FKBP1B: variants seen among roughly 807,000 people sequenced by gnomAD.
The protein encoded by FKBP1B is FKBP prolyl isomerase 1B.
A neutral mutation model predicts 13.5 loss-of-function variants in FKBP1B; 4 were observed. That is an observed-to-expected ratio of 0.30 (90% CI 0.15 to 0.68). The LOEUF is 0.68. Ranked by LOEUF, FKBP1B falls within the 30% of genes least tolerant of loss-of-function variation. The pLI is 0.76. For synonymous variants in FKBP1B, 54 were observed against 53.6 expected, an observed-to-expected ratio of 1.01 and a Z score of -0.03; for missense variants, 93 against 136.2, an observed-to-expected ratio of 0.68 and a Z score of 1.58.
At chr2:24,055,214 CATT>C (rs966569891) in intron 2 of FKBP1B, among the ~76,000 whole-genome samples, 17 of 113,282 alleles carry the variant, frequency 1.5e-4, no homozygotes, top group South Asian at 5.6e-4. Flanking sequence ...TTTTTTTTGT[CATT>C]GTTGTTGTTG....
chr2:24,043,083 G>A, the FKBP1B span, among the ~76,000 whole-genome samples: 78 of 149,696 alleles, frequency 5.2e-4, no homozygotes, highest in African/African-American at 1.9e-3. Flanking sequence ...CCTTTAATCC[G>A]AGCACTTTGG....
intron 2 of FKBP1B, chr2:24,054,223 C>T: frequency 1.6e-6 from 1 of 631,392 alleles, no homozygotes; most frequent in South Asian, 1.8e-5. Flanking sequence ...CCCCTTCCTT[C>T]TGTTGCAGGT....
the FKBP1B span, among the ~76,000 whole-genome samples, chr2:24,039,667 G>A: frequency 6.6e-6 from 1 of 152,154 alleles, no homozygotes; most frequent in Non-Finnish European, 1.5e-5. Context: ...AGACTACTGA[G>A]CTATCAGGCA....
chr2:24,054,310 C>G, intron 2 of FKBP1B: 1 of 419,350 alleles, frequency 2.4e-6, no homozygotes. Flanking sequence ...GACTTTCTCT[C>G]CATCCTGCAG....
chr2:24,044,817 TAAAAAAAAAAAA>T (rs747340836), upstream of FKBP1B, among the ~76,000 whole-genome samples: 248 of 103,918 alleles, frequency 2.4e-3, no homozygotes, highest in African/African-American at 8.6e-3. Flanking sequence ...GAATTATCTT[TAAAAAAAAAAAA>T]AAAAAAAAAA....
Position 24,049,859 on chromosome 2 carries a change from G to T in FKBP1B, c.10G>T (p.Glu4Ter). ...GGCCTGTGGGACCGCTATGGGCGTG[G>T]AGATCGAGACCATCTCCCCCGGAGA... MGV[E>*]IETISPGDGR... Residue 4 changes from glutamate to a stop codon, truncating the protein, a stop_gained, in exon 1 of 4, where the codon GAG (glutamate) becomes TAG (stop). Coordinates refer to ENST00000380986, the MANE Select transcript of FKBP1B (RefSeq NM_004116.5). LOFTEE classifies it high-confidence loss of function. 1 of 1,428,214 alleles carries T rather than the reference G, an allele frequency of 7.0e-7. No homozygotes were observed. Among genetic ancestry groups the T allele is most frequent in the Admixed American group, 2.5e-5 (1 of 39,286 alleles). 88.5% of individuals were successfully genotyped at this position (1,428,214 alleles called of 1,614,324 possible).
chr2:24,038,438 C>T, the FKBP1B span: 35 of 1,613,996 alleles, frequency 2.2e-5, no homozygotes, highest in East Asian at 4.5e-5. Context: ...ACTGCCACTA[C>T]GTGGGCTTTA....
chr2:24,060,994 C>T, intron 3 of FKBP1B, 68 bp downstream of exon 3: 2 of 1,138,102 alleles, frequency 1.8e-6, no homozygotes, highest in Non-Finnish European at 2.6e-6. Flanking sequence ...CTCTGCCCTC[C>T]ACCTCCACCT....
intron 2 of FKBP1B, among the ~76,000 whole-genome samples, chr2:24,058,614 G>A (rs11902184): frequency 0.17 from 26,440 of 152,192 alleles, 3,211 homozygotes; most frequent in African/African-American, 0.34. Context: ...GTGTGTGAAT[G>A]TGTGCATGTG....
chr2:24,052,718 G>T (rs1663935191), intron 1 of FKBP1B, among the ~76,000 whole-genome samples: 1 of 152,118 alleles, frequency 6.6e-6, no homozygotes, highest in Non-Finnish European at 1.5e-5. Context: ...TATAATCTCA[G>T]CACTTTGGGA....
the FKBP1B span, among the ~76,000 whole-genome samples, chr2:24,041,081 G>A: frequency 6.7e-6 from 1 of 149,994 alleles, no homozygotes. Context: ...GCTCATGCTT[G>A]TAATCCCAGC....
chr2:24,059,894 CAAAAAAA>C (rs10679224), intron 2 of FKBP1B, among the ~76,000 whole-genome samples: 2 of 49,818 alleles, frequency 4.0e-5, no homozygotes, highest in South Asian at 1.2e-3. Context: ...GACTCCGACT[CAAAAAAA>C]AAAAAAAAAA....
At chr2:24,053,797 C>A in intron 1 of FKBP1B, 105 bp from the exon 2 acceptor site, 2 of 1,080,090 alleles carry the variant, frequency 1.9e-6, no homozygotes, top group Non-Finnish European at 2.9e-6. Flanking sequence ...ATCTCCATGG[C>A]ATGGAGGGGA....
chr2:24,057,436 C>T (rs929605062), intron 2 of FKBP1B, among the ~76,000 whole-genome samples: 1 of 151,946 alleles, frequency 6.6e-6, no homozygotes, highest in African/African-American at 2.4e-5. Context: ...TGCAATGGCA[C>T]GATTTCAGCT....
chr2:24,048,396 G>C (rs1663700548), upstream of FKBP1B, among the ~76,000 whole-genome samples: 1 of 150,856 alleles, frequency 6.6e-6, no homozygotes, highest in South Asian at 2.1e-4. Context: ...GCTTGAACCT[G>C]GGAGGCGGAG....
At chr2:24,034,812 T>C in the FKBP1B span, among the ~76,000 whole-genome samples, 122,293 of 152,006 alleles carry the variant, frequency 0.8, 49,716 homozygotes, top group East Asian at 0.96. Flanking sequence ...TGGACTCAAG[T>C]GATCTACCCA....
intron 2 of FKBP1B, among the ~76,000 whole-genome samples, chr2:24,056,185 T>C (rs1368416201): frequency 6.6e-6 from 1 of 151,774 alleles, no homozygotes; most frequent in Non-Finnish European, 1.5e-5. Flanking sequence ...AGACGGTGTT[T>C]CACCATATTG....
the FKBP1B span, among the ~76,000 whole-genome samples, chr2:24,033,744 A>C: frequency 1.3e-5 from 2 of 152,044 alleles, no homozygotes; most frequent in Non-Finnish European, 2.9e-5. Flanking sequence ...CCATCTCTAA[A>C]TAAATAAATA....
intron 1 of FKBP1B, among the ~76,000 whole-genome samples, chr2:24,051,357 C>G (rs1039331443): frequency 3.4e-5 from 5 of 149,236 alleles, no homozygotes. Context: ...AAAAAAAATG[C>G]ATGTTTGACT....
Sources: allele counts gnomAD v4.1 joint callset (sites outside exome capture counted in the v4.1 genomes callset), GRCh38; gene constraint gnomAD v4.1.1; transcripts MANE v1.5; gene names NCBI Gene and HGNC (gene_info 2026-07-23, HGNC 2026-07-21).